ARFGEF1: variants seen among roughly 807,000 people sequenced by gnomAD.
The protein encoded by ARFGEF1 is brefeldin A-inhibited guanine nucleotide-exchange protein 1.
In ARFGEF1, 42 loss-of-function variants were observed where a neutral mutation model predicts 231.0. The observed-to-expected ratio is 0.18, with a 90% CI of 0.14 to 0.24. ARFGEF1 has a LOEUF of 0.24. Among genes scored for constraint, ARFGEF1 ranks in the 10% least tolerant of loss-of-function variants. ARFGEF1 has a pLI of 1.00. For synonymous variants in ARFGEF1, 710 were observed against 732.3 expected (o/e 0.97, Z 0.49); for missense variants, 1,345 against 2,192.0 (o/e 0.61, Z 7.72).
rs557065138 is a variant in ARFGEF1 at position 67,296,404 on chromosome 8, C to T, written c.639+27G>A. 5.8e-4 allele frequency: 932 copies of T among 1,608,496 alleles called. 18 individuals are homozygous for T. In the South Asian group the frequency reaches 9.8e-3, roughly 17 times the overall value. On this transcript the variant is annotated intron_variant, in intron 5 of 38. Transcript: ENST00000262215. Reference sequence around the variant, plus strand: ...TGTTTAATGCCTGTTGTGTTCTATACAACCTCTCTCTTCTTAAAATACTTA... The same window carrying T: ...TGTTTAATGCCTGTTGTGTTCTATATAACCTCTCTCTTCTTAAAATACTTA...
At position 67,198,876 on chromosome 8, in the gene ARFGEF1, C is replaced by T; in HGVS notation, c.*58G>A. ...ATTTTTCAGGTAGGAAACCTCAGCT[C>T]CAGCGTCCTTTTAAAGAGCAGAGGG... On this transcript the variant is annotated 3_prime_UTR_variant, in exon 39 of 39. Transcript: ENST00000262215. 6.3e-7 allele frequency: 1 copy of T among 1,587,172 alleles called. No individual in the cohort carries two copies. The highest frequency in any genetic ancestry group is 1.4e-5 in the African/African-American group (1 of 73,070).
At chr8:67,283,882 G>A (rs1280349390) in intron 7 of ARFGEF1, among the ~76,000 whole-genome samples, 1 of 152,124 alleles carries the variant, frequency 6.6e-6, no homozygotes, top group African/African-American at 2.4e-5. Context: ...AATGGTAAGA[G>A]TGCAAAATGG....
At chr8:67,282,071 G>A (rs1471093664) in intron 7 of ARFGEF1, among the ~76,000 whole-genome samples, 3 of 152,082 alleles carry the variant, frequency 2.0e-5, no homozygotes, top group African/African-American at 7.2e-5. Context: ...TGGTTCTAAA[G>A]TTCACCTAAC....
chr8:67,200,658 T>A, intron 37 of ARFGEF1, 145 bp from the exon 38 acceptor site: 1 of 609,086 alleles, frequency 1.6e-6, no homozygotes, highest in South Asian at 2.2e-5. Flanking sequence ...AGCTGGAGTG[T>A]CAACATAAAC....
At chr8:67,176,055 C>T (rs954009426) in intron 5 of ARFGEF1, among the ~76,000 whole-genome samples, 8 of 149,370 alleles carry the variant, frequency 5.4e-5, no homozygotes, top group African/African-American at 9.9e-5. Flanking sequence ...TGATGAATAT[C>T]GCACAGAAGA....
At position 67,288,010 on chromosome 8, in the gene ARFGEF1, C is replaced by T; in HGVS notation, c.972G>A (p.Lys324=). The T allele has an allele frequency of 6.2e-7, 1 of 1,608,802 alleles. No individual in the cohort carries two copies. Among genetic ancestry groups the T allele is most frequent in the Non-Finnish European group, 8.5e-7 (1 of 1,178,428 alleles). ...CAATGTTCTGTACAATGTCTTGTGG[C>T]TTTTCCTCACAATCATGGTTTTCTC... ...YDGENHDCEE[K]PQDIVQNIVE... Residue 324 remains lysine, a synonymous_variant, in exon 7 of 39, where the codon AAG becomes AAA. Transcript: ENST00000262215.
At chr8:67,261,674 T>C (rs1804625908) in intron 14 of ARFGEF1, among the ~76,000 whole-genome samples, 1 of 151,950 alleles carries the variant, frequency 6.6e-6, no homozygotes, top group Non-Finnish European at 1.5e-5. Context: ...GATGAAAGAG[T>C]GATTTTGTTT....
chr8:67,257,464 CTT>C (rs1587147606), intron 17 of ARFGEF1, among the ~76,000 whole-genome samples: 2 of 152,152 alleles, frequency 1.3e-5, no homozygotes, highest in South Asian at 2.1e-4. Flanking sequence ...CTATAAATGT[CTT>C]GTTAGATTAA....
At chr8:67,177,586 T>A in intron 5 of ARFGEF1, 1 of 766,962 alleles carries the variant, frequency 1.3e-6, no homozygotes. Flanking sequence ...TAATTTCCAG[T>A]AGAGAGCTAG....
At chr8:67,180,232 G>C (rs1411468461) in intron 5 of ARFGEF1, among the ~76,000 whole-genome samples, 1 of 152,072 alleles carries the variant, frequency 6.6e-6, no homozygotes, top group Admixed American at 6.6e-5. Context: ...AAAAAACTCT[G>C]GTACATCCAT....
intron 15 of ARFGEF1, among the ~76,000 whole-genome samples, chr8:67,259,314 C>G (rs1029769806): frequency 6.6e-6 from 1 of 152,200 alleles, no homozygotes; most frequent in Non-Finnish European, 1.5e-5. Context: ...GCAACCTCCA[C>G]CTCCTGGGTT....
intron 23 of ARFGEF1, among the ~76,000 whole-genome samples, chr8:67,232,593 C>T (rs1839590011): frequency 6.6e-6 from 1 of 151,880 alleles, no homozygotes; most frequent in Non-Finnish European, 1.5e-5. Context: ...TATTCTTTTC[C>T]ATCGAGGTTA....
intron 27 of ARFGEF1, 57 bp downstream of exon 27, chr8:67,227,080 C>A: frequency 1.4e-6 from 2 of 1,478,090 alleles, no homozygotes; most frequent in Non-Finnish European, 1.8e-6. Context: ...CTTCTGAACA[C>A]GTTAAGGTTG....
intron 34 of ARFGEF1, among the ~76,000 whole-genome samples, chr8:67,208,307 T>A (rs1462606539): frequency 6.6e-6 from 1 of 151,982 alleles, no homozygotes; most frequent in African/African-American, 2.4e-5. Context: ...TCAAAATGGA[T>A]CAACGACCTA....
chr8:67,223,960 CCTATTTTGATTAT>C (rs1192663651), intron 29 of ARFGEF1, among the ~76,000 whole-genome samples: 3 of 152,224 alleles, frequency 2.0e-5, no homozygotes, highest in South Asian at 4.1e-4. Flanking sequence ...AGGGTTAAGT[CCTATTTTGATTAT>C]CTATTTCATA....
At chr8:67,188,629 C>T (rs558672313) in intron 5 of ARFGEF1, among the ~76,000 whole-genome samples, 49 of 152,292 alleles carry the variant, frequency 3.2e-4, no homozygotes, top group South Asian at 1.7e-3. Context: ...ATGTTTGTTA[C>T]GGCTCGAGCT....
chr8:67,341,760 T>C (rs77255994), intron 1 of ARFGEF1, among the ~76,000 whole-genome samples: 3,999 of 152,244 alleles, frequency 0.026, 98 homozygotes, highest in South Asian at 0.047. Context: ...GATCTAGATA[T>C]AAATACAGTT....
chr8:67,292,273 C>T (rs1434769518), intron 5 of ARFGEF1, 150 bp from the exon 6 acceptor site: 1 of 702,058 alleles, frequency 1.4e-6, no homozygotes, highest in South Asian at 2.0e-5. Context: ...ATAAACTATA[C>T]TAAAAACAAT....
At chr8:67,184,294 A>G (rs193113079) in intron 5 of ARFGEF1, among the ~76,000 whole-genome samples, 5 of 152,378 alleles carry the variant, frequency 3.3e-5, no homozygotes, top group South Asian at 2.1e-4. Flanking sequence ...AAGCAGAAGA[A>G]GAGAAATAAA....
Sources: gnomAD v4.1 joint callset for allele counts (sites outside exome capture counted in the v4.1 genomes callset) on GRCh38, gnomAD v4.1.1 for gene constraint, MANE v1.5 for transcripts, NCBI Gene and HGNC (gene_info 2026-07-23, HGNC 2026-07-21) for gene names.